Variants in GRK5 observed in about 807,000 individuals in gnomAD.
GRK5 encodes the protein G protein-coupled receptor kinase 5.
A neutral mutation model predicts 78.4 loss-of-function variants in GRK5; 40 were observed. The observed-to-expected ratio is 0.51, with a 90% CI of 0.40 to 0.66. The LOEUF (loss-of-function observed/expected upper bound fraction) is 0.66, where lower values mean the gene tolerates loss of function less well. GRK5 is among the 30% of genes least tolerant of loss of function. GRK5 has a pLI of 0.00. For synonymous variants in GRK5, 289 were observed against 296.8 expected (o/e 0.97, Z 0.27); for missense variants, 598 against 759.9 (o/e 0.79, Z 2.50).
chr10:119,335,129 C>CCTCTCTCTCTCTCTCTCTCTCCCTCTCT (rs1850852738), intron 2 of GRK5: 1 of 9,872 alleles, frequency 1.0e-4, no homozygotes, highest in Non-Finnish European at 1.8e-4. Flanking sequence ...GCCTGCCTTG[C>CCTCTCTCTCTCTCTCTCTCTCCCTCTCT]CTCTCTCTCT....
chr10:119,428,759 T>G (rs1852753204), intron 6 of GRK5, among the ~76,000 whole-genome samples: 1 of 152,236 alleles, frequency 6.6e-6, no homozygotes, highest in Non-Finnish European at 1.5e-5. Flanking sequence ...TTGGAGCCTG[T>G]AGGGCAGGAC....
At chr10:119,433,689 C>T (rs1013463870) in intron 8 of GRK5, among the ~76,000 whole-genome samples, 7 of 152,220 alleles carry the variant, frequency 4.6e-5, no homozygotes, top group Non-Finnish European at 7.3e-5. Flanking sequence ...GCCTGGCCCA[C>T]GATGGCCGGG....
At chr10:119,260,942 T>C (rs1162726064) in intron 1 of GRK5, among the ~76,000 whole-genome samples, 7 of 150,038 alleles carry the variant, frequency 4.7e-5, no homozygotes, top group African/African-American at 1.5e-4. Flanking sequence ...GACGGGGTGG[T>C]GGCCGGGCAG....
chr10:119,297,414 A>C (rs2133715731), intron 1 of GRK5, among the ~76,000 whole-genome samples: 1 of 152,250 alleles, frequency 6.6e-6, no homozygotes, highest in East Asian at 1.9e-4. Flanking sequence ...TGGCCTCCCC[A>C]CTGTACAGAG....
At chr10:119,450,264 G>A (rs1459088289) in intron 13 of GRK5, among the ~76,000 whole-genome samples, 1 of 152,162 alleles carries the variant, frequency 6.6e-6, no homozygotes, top group Non-Finnish European at 1.5e-5. Context: ...TGGCCTCTGG[G>A]CTACCTATTG....
chr10:119,254,577 G>A (rs1460226626), intron 1 of GRK5, among the ~76,000 whole-genome samples: 2 of 151,948 alleles, frequency 1.3e-5, no homozygotes, highest in Non-Finnish European at 2.9e-5. Context: ...AGGGAGAAGG[G>A]GTGGGAGTTG....
At chr10:119,283,739 C>A (rs1849801674) in intron 1 of GRK5, among the ~76,000 whole-genome samples, 1 of 152,168 alleles carries the variant, frequency 6.6e-6, no homozygotes, top group South Asian at 2.1e-4. Flanking sequence ...GACCATGAGC[C>A]CCACTCCCCA....
At chr10:119,317,587 C>T (rs1556715) in intron 1 of GRK5, among the ~76,000 whole-genome samples, 38,511 of 151,944 alleles carry the variant, frequency 0.25, 6,332 homozygotes, top group African/African-American at 0.47. Context: ...TTTGCCCTGC[C>T]CCTGTGAGTG....
chr10:119,313,287 GTGGTAATGGTGGTGGTGATGA>G (rs1022999373), intron 1 of GRK5, among the ~76,000 whole-genome samples: 1 of 150,722 alleles, frequency 6.6e-6, no homozygotes, highest in Non-Finnish European at 1.5e-5. Context: ...GATGGGGATG[GTGGTAATGGTGGTGGTGATGA>G]TGGTGGTGGC....
In GRK5 at chr10:119,396,710, A is replaced by C; in HGVS notation, c.277A>C (p.Thr93Pro). Residue 93 changes from threonine to proline, a missense_variant, in exon 4 of 16, where the codon ACT (threonine) becomes CCT (proline). Thr to Pro is a conservative substitution (Grantham distance 38). Transcript: ENST00000392870. ...FLDSVAEYEV[T>P]PDEKLGEKGK... Reference sequence around the variant, plus strand: ...TCTGTTTTAGGCAGAATATGAAGTTACTCCAGATGAAAAACTGGGAGAGAA... The same window carrying C: ...TCTGTTTTAGGCAGAATATGAAGTTCCTCCAGATGAAAAACTGGGAGAGAA... 6.2e-7 allele frequency: 1 copy of C among 1,612,528 alleles called. No individual in the cohort carries two copies. Among genetic ancestry groups the C allele is most frequent in the Admixed American group, 1.7e-5 (1 of 60,022 alleles).
At chr10:119,227,824 C>G (rs1848764938) in intron 1 of GRK5, among the ~76,000 whole-genome samples, 1 of 152,158 alleles carries the variant, frequency 6.6e-6, no homozygotes, top group African/African-American at 2.4e-5. Flanking sequence ...TGAATAGGTT[C>G]TTTCAAACAT....
intron 6 of GRK5, among the ~76,000 whole-genome samples, chr10:119,425,936 C>T (rs548006721): frequency 1.3e-5 from 2 of 152,254 alleles, no homozygotes; most frequent in Admixed American, 6.5e-5. Flanking sequence ...GAGCCCCCAG[C>T]GCAGTGCTCT....
rs148623153 is a variant in GRK5, at chr10:119,380,986, G to T, written c.261+59G>T. ...TCCTCTGTGATCAGTGATTGTTTTG[G>T]CTCAAAGGAAAAAATAGATCTCATG... is the stretch of plus-strand genomic sequence containing the variant. On this transcript the variant is annotated intron_variant, in intron 3 of 15. Coordinates refer to ENST00000392870, the MANE Select transcript of GRK5 (RefSeq NM_005308.3). 1.9e-5 allele frequency: 21 copies of T among 1,119,750 alleles called. No homozygotes were observed. The African/African-American group carries it at 2.1e-4, about 11-fold the overall frequency. 69.4% of individuals were successfully genotyped at this position (1,119,750 alleles called of 1,614,324 possible).
At chr10:119,209,357 C>T (rs1848443250) in intron 1 of GRK5, among the ~76,000 whole-genome samples, 2 of 152,112 alleles carry the variant, frequency 1.3e-5, no homozygotes, top group Non-Finnish European at 2.9e-5. Context: ...CTTTGAAAAC[C>T]CCAGCAGAGT....
At chr10:119,285,696 G>A (rs576926589) in intron 1 of GRK5, among the ~76,000 whole-genome samples, 48 of 152,126 alleles carry the variant, frequency 3.2e-4, no homozygotes, top group Non-Finnish European at 6.8e-4. Flanking sequence ...GCGGTGACAC[G>A]GTAAAAGGAG....
intron 1 of GRK5, among the ~76,000 whole-genome samples, chr10:119,275,550 A>G (rs1589716544): frequency 6.6e-6 from 1 of 150,706 alleles, no homozygotes; most frequent in African/African-American, 2.4e-5. Flanking sequence ...ACTGGGGTCC[A>G]GTCTGAATTC....
At chr10:119,276,911 A>T (rs1849679692) in intron 1 of GRK5, among the ~76,000 whole-genome samples, 2 of 152,236 alleles carry the variant, frequency 1.3e-5, no homozygotes, top group South Asian at 4.1e-4. Context: ...CCTGCAGTTC[A>T]CAAGGGTCGT....
rs1162540000 is a variant in GRK5, at chr10:119,287,129, CAGGG to C, written c.53-39381_53-39378del. On this transcript the variant is annotated intron_variant, in intron 1 of 15. Coordinates refer to ENST00000392870, the MANE Select transcript of GRK5 (RefSeq NM_005308.3). ...GAGAAGGAAGGAAGAATGGAGAAGG[CAGGG>C]AGGGAAGGAAGCAAGGGAGGGAAGG... Among the ~76,000 whole-genome samples, 7 of 101,442 alleles carry C rather than the reference CAGGG, an allele frequency of 6.9e-5. No individual in the cohort carries two copies. In the South Asian group the frequency reaches 1.7e-3, roughly 24 times the overall value. The allele number at this position is 101,442 out of a possible 152,430, so 66.5% of individuals were successfully genotyped here. A position where few individuals can be genotyped will look rare whatever the true frequency, so the allele number is the denominator to read the frequency against.
At chr10:119,241,200 G>A (rs141527074) in intron 1 of GRK5, among the ~76,000 whole-genome samples, 175 of 152,272 alleles carry the variant, frequency 1.1e-3, no homozygotes, top group African/African-American at 3.9e-3. Flanking sequence ...GCAGGGTGCC[G>A]TCATCTATCC....
Sources: gnomAD v4.1 joint callset for allele counts (sites outside exome capture counted in the v4.1 genomes callset) on GRCh38, gnomAD v4.1.1 for gene constraint, MANE v1.5 for transcripts, NCBI Gene and HGNC (gene_info 2026-07-23, HGNC 2026-07-21) for gene names.